The following IL1RAPL2 variants were observed in gnomAD, a reference collection of about 807,000 sequenced individuals.
IL1RAPL2 encodes the protein interleukin 1 receptor accessory protein like 2, also known as X-linked interleukin-1 receptor accessory protein-like 2.
In IL1RAPL2, 3 loss-of-function variants were observed where a neutral mutation model predicts 44.1. The ratio of observed to expected loss-of-function variants is 0.07; its 90% CI spans 0.03 to 0.18. The LOEUF (loss-of-function observed/expected upper bound fraction) is 0.18. IL1RAPL2 is among the 10% of genes least tolerant of loss of function. The pLI is 1.00. For missense variants in IL1RAPL2, 391 were observed against 496.4 expected (o/e 0.79, Z 2.02); for synonymous variants, 181 against 178.8 (o/e 1.01, Z -0.10).
At chrX:104,983,023 G>A (rs1011474868) in intron 2 of IL1RAPL2, among the ~76,000 whole-genome samples, 1 of 110,639 alleles carries the variant, frequency 9.0e-6, no homozygotes, top group African/African-American at 3.3e-5. Flanking sequence ...TTTTACTACT[G>A]AAATCCAGCA....
chrX:105,538,836 G>A lies in IL1RAPL2; in HGVS notation c.772+54449G>A, dbSNP rs988854414. Reference sequence around the variant, plus strand: ...CTTCTGGAACTGATAAACAGCTTCAGTAAACTTTCAGAATACAAAATCAAT... The same window carrying A: ...CTTCTGGAACTGATAAACAGCTTCAATAAACTTTCAGAATACAAAATCAAT... On this transcript the variant is annotated intron_variant, in intron 6 of 10. Transcript: ENST00000372582. Among the ~76,000 whole-genome samples the A allele has an allele frequency of 2.7e-5, 3 of 111,751 alleles. 1 individual carries two copies. The highest frequency in any genetic ancestry group is 6.5e-5 in the African/African-American group (2 of 30,702).
intron 2 of IL1RAPL2, among the ~76,000 whole-genome samples, chrX:104,768,901 G>A (rs778677587): frequency 3.6e-5 from 4 of 110,700 alleles, no homozygotes; most frequent in African/African-American, 1.3e-4. Flanking sequence ...TAGCTTTCCC[G>A]AGGAATTCAT....
intron 5 of IL1RAPL2, among the ~76,000 whole-genome samples, chrX:105,270,519 A>T (rs1478201093): frequency 1.8e-5 from 2 of 111,977 alleles, no homozygotes; most frequent in Non-Finnish European, 3.8e-5. Flanking sequence ...GCTGGAAAAG[A>T]TAATTCAGAA....
At chrX:104,743,837 T>C (rs1415022263) in intron 2 of IL1RAPL2, among the ~76,000 whole-genome samples, 2 of 111,352 alleles carry the variant, frequency 1.8e-5, no homozygotes, top group Admixed American at 1.9e-4. Context: ...TCTTGTTTGC[T>C]GTCCCTTTAG....
chrX:104,975,932 G>A (rs775478800), intron 2 of IL1RAPL2, among the ~76,000 whole-genome samples: 16 of 111,381 alleles, frequency 1.4e-4, no homozygotes, highest in Non-Finnish European at 2.5e-4. Flanking sequence ...CTTTCTAGCC[G>A]GAGCAGCTAG....
intron 6 of IL1RAPL2, among the ~76,000 whole-genome samples, chrX:105,601,041 C>T (rs1008804104): frequency 8.1e-5 from 9 of 111,333 alleles, no homozygotes; most frequent in African/African-American, 2.6e-4. Context: ...ATTTATGGGG[C>T]ATTTGTATAT....
At position 104,585,320 on chromosome X, in the gene IL1RAPL2, TTATATATAATA is replaced by T. The variant is rs1569487946; in HGVS notation, c.-20+18275_-20+18285del. ...TATATTATATATTATATAATATATA[TTATATATAATA>T]TATATTATATATTATATATATTATA... is the stretch of plus-strand genomic sequence containing the variant. On this transcript the variant is annotated intron_variant, in intron 1 of 10. Transcript: ENST00000372582. Among the ~76,000 whole-genome samples, 96 of 20,483 alleles carry T rather than the reference TTATATATAATA, an allele frequency of 4.7e-3. 4 individuals are homozygous for T. Among genetic ancestry groups the T allele is most frequent in the Non-Finnish European group, 6.0e-3 (87 of 14,567 alleles). The allele number at this position is 20,483 out of a possible 115,157, so 17.8% of individuals were successfully genotyped here.
rs757176293 is a variant in IL1RAPL2 at position 105,501,110 on chromosome X, G to A, written c.772+16723G>A. On this transcript the variant is annotated intron_variant, in intron 6 of 10. Coordinates refer to ENST00000372582, the MANE Select transcript of IL1RAPL2 (RefSeq NM_017416.2). ...AATAAGCACTGTGCCTGATGCTCAG[G>A]AAATGTCTATTTTATGTATGTGTGC... Among the ~76,000 whole-genome samples the A allele has an allele frequency of 9.0e-5, 10 of 111,656 alleles. No homozygotes were observed. In the East Asian group the frequency reaches 2.5e-3, roughly 28 times the overall value.
At chrX:105,472,671 A>G (rs762203507) in intron 5 of IL1RAPL2, among the ~76,000 whole-genome samples, 4 of 111,728 alleles carry the variant, frequency 3.6e-5, no homozygotes, top group Non-Finnish European at 7.5e-5. Context: ...TTTCAACATC[A>G]TAGATCATCA....
At chrX:105,264,931 C>T (rs1272862423) in intron 4 of IL1RAPL2, among the ~76,000 whole-genome samples, 1 of 111,573 alleles carries the variant, frequency 9.0e-6, no homozygotes, top group Non-Finnish European at 1.9e-5. Context: ...TACAAAGAAC[C>T]TTTTATAAGG....
Position 105,012,672 on chromosome X carries a change from C to CAGAGAG in IL1RAPL2, c.83-182802_83-182801insGAGAGA, listed in dbSNP as rs753828552. Among the ~76,000 whole-genome samples the CAGAGAG allele has an allele frequency of 7.2e-4, 36 of 50,066 alleles. 1 individual carries two copies. The highest frequency in any genetic ancestry group is 2.3e-3 in the African/African-American group (32 of 13,855). 43.5% of individuals were successfully genotyped at this position (50,066 alleles called of 115,157 possible). On this transcript the variant is annotated intron_variant, in intron 2 of 10. Coordinates refer to ENST00000372582, the MANE Select transcript of IL1RAPL2 (RefSeq NM_017416.2). ...ACACACACACACACACACACACACA[C>CAGAGAG]ACAGAGAGAGAGAGAGAGAATAATA...
intron 2 of IL1RAPL2, among the ~76,000 whole-genome samples, chrX:105,114,174 G>C (rs986886402): frequency 1.8e-5 from 2 of 111,746 alleles, no homozygotes; most frequent in African/African-American, 6.5e-5. Context: ...TCTGAAAACA[G>C]AGACCTCAAA....
At chrX:105,031,784 T>C (rs752792286) in intron 2 of IL1RAPL2, among the ~76,000 whole-genome samples, 3 of 108,540 alleles carry the variant, frequency 2.8e-5, no homozygotes, top group Admixed American at 9.6e-5. Context: ...GGATTCCCTC[T>C]TTTTCAATTG....
intron 6 of IL1RAPL2, among the ~76,000 whole-genome samples, chrX:105,497,730 C>A (rs1461044279): frequency 8.9e-6 from 1 of 111,740 alleles, no homozygotes; most frequent in Middle Eastern, 4.3e-3. Context: ...TACATCATGA[C>A]CAAGTGCGAT....
intron 3 of IL1RAPL2, among the ~76,000 whole-genome samples, chrX:105,213,684 T>G (rs1219899960): frequency 3.6e-5 from 4 of 110,710 alleles, no homozygotes; most frequent in African/African-American, 1.3e-4. Context: ...CGTCAGATTC[T>G]CCAAGGTTGA....
At chrX:105,355,045 C>G in intron 5 of IL1RAPL2, among the ~76,000 whole-genome samples, 1 of 111,566 alleles carries the variant, frequency 9.0e-6, no homozygotes, top group South Asian at 3.8e-4. Context: ...CTGTATATGT[C>G]CACTTTAATT....
intron 6 of IL1RAPL2, among the ~76,000 whole-genome samples, chrX:105,595,133 GAAGA>G (rs1001039678): frequency 8.9e-6 from 1 of 111,887 alleles, no homozygotes; most frequent in African/African-American, 3.2e-5. Flanking sequence ...TTACCTTGTA[GAAGA>G]AAGGACTTTT....
chrX:104,893,029 G>T (rs1324097998), intron 2 of IL1RAPL2, among the ~76,000 whole-genome samples: 1 of 111,629 alleles, frequency 9.0e-6, no homozygotes, highest in African/African-American at 3.3e-5. Context: ...CTTTATTTCT[G>T]CCTCCATTTC....
At chrX:104,650,638 A>T (rs184671940) in intron 1 of IL1RAPL2, among the ~76,000 whole-genome samples, 7 of 111,283 alleles carry the variant, frequency 6.3e-5, no homozygotes, top group Non-Finnish European at 1.1e-4. Context: ...TGAACATGCT[A>T]AAAAAAACCA....
Sources: allele counts gnomAD v4.1 joint callset (sites outside exome capture counted in the v4.1 genomes callset), GRCh38; gene constraint gnomAD v4.1.1; transcripts MANE v1.5; gene names NCBI Gene and HGNC (gene_info 2026-07-23, HGNC 2026-07-21).